DPP6: variants seen among roughly 807,000 people sequenced by gnomAD.
DPP6 encodes the protein A-type potassium channel modulatory protein DPP6.
In DPP6, 69 loss-of-function variants were observed where a neutral mutation model predicts 122.6. That is an observed-to-expected ratio of 0.56 (90% confidence interval 0.46 to 0.69). DPP6 has a LOEUF of 0.69. Ranked by LOEUF, DPP6 falls within the 30% of genes least tolerant of loss-of-function variation. The probability of loss-of-function intolerance (pLI) is 0.00; values close to 1 mark genes in which losing one functional copy is unlikely to be tolerated. For synonymous variants in DPP6, 418 were observed against 433.1 expected (o/e 0.97, Z 0.43); for missense variants, 928 against 1,116.9 (o/e 0.83, Z 2.41).
intron 21 of DPP6, chr7:154,883,823 A>G (rs1462588181): frequency 2.7e-5 from 4 of 148,060 alleles, no homozygotes; most frequent in South Asian, 4.4e-4. Context: ...TCACACAATT[A>G]CATACACCTG....
intron 1 of DPP6, among the ~76,000 whole-genome samples, chr7:154,189,960 G>A (rs568720992): frequency 4.6e-5 from 7 of 152,260 alleles, no homozygotes; most frequent in Middle Eastern, 3.4e-3. Flanking sequence ...CTTAAATACC[G>A]TCCTTTTAGA....
At chr7:154,596,337 C>A (rs1478886003) in intron 5 of DPP6, among the ~76,000 whole-genome samples, 1 of 152,146 alleles carries the variant, frequency 6.6e-6, no homozygotes, top group Non-Finnish European at 1.5e-5. Context: ...TTTGGGGGCT[C>A]TGAGGGATGG....
intron 8 of DPP6, among the ~76,000 whole-genome samples, chr7:154,734,578 T>C (rs1471039975): frequency 6.6e-6 from 1 of 152,226 alleles, no homozygotes; most frequent in East Asian, 1.9e-4. Flanking sequence ...AAACCATAGA[T>C]CTGTAGTTAT....
intron 1 of DPP6, among the ~76,000 whole-genome samples, chr7:154,365,232 G>A (rs546479460): frequency 4.3e-4 from 66 of 152,314 alleles, no homozygotes; most frequent in African/African-American, 1.5e-3. Flanking sequence ...ATACTTCTCT[G>A]GATTTTGCCA....
intron 1 of DPP6, among the ~76,000 whole-genome samples, chr7:154,270,772 G>C (rs1803733048): frequency 6.6e-6 from 1 of 152,246 alleles, no homozygotes; most frequent in Middle Eastern, 3.4e-3. Flanking sequence ...GAGTACAAGT[G>C]CCTGGTCTCT....
chr7:154,275,461 C>G (rs1804065920), intron 1 of DPP6, among the ~76,000 whole-genome samples: 1 of 152,176 alleles, frequency 6.6e-6, no homozygotes, highest in Non-Finnish European at 1.5e-5. Flanking sequence ...GACACCAGGT[C>G]TCGGGGCCTC....
chr7:154,275,911 C>G (rs530187228), intron 1 of DPP6, among the ~76,000 whole-genome samples: 2 of 152,238 alleles, frequency 1.3e-5, no homozygotes, highest in East Asian at 1.9e-4. Context: ...CCCTCCGGCT[C>G]CAAATCAAAT....
chr7:154,114,078 T>C (rs1806803689), intron 1 of DPP6, among the ~76,000 whole-genome samples: 1 of 151,730 alleles, frequency 6.6e-6, no homozygotes, highest in African/African-American at 2.4e-5. Context: ...ACCCAAACTT[T>C]CTTATCTTCA....
At chr7:154,221,966 T>C (rs1219292444) in intron 1 of DPP6, among the ~76,000 whole-genome samples, 1 of 151,900 alleles carries the variant, frequency 6.6e-6, no homozygotes, top group Non-Finnish European at 1.5e-5. Flanking sequence ...AAAAAAAAAA[T>C]GAAGACTCCT....
At chr7:154,168,880 CT>C (rs1265559601) in intron 1 of DPP6, among the ~76,000 whole-genome samples, 1 of 152,198 alleles carries the variant, frequency 6.6e-6, no homozygotes, top group Non-Finnish European at 1.5e-5. Flanking sequence ...GTATTATCGT[CT>C]CCATTTTTAG....
Position 154,481,346 on chromosome 7 carries a change from G to GGTGT in DPP6, c.457+6334_457+6337dup, listed in dbSNP as rs1554564239. ...ATACACTTGGAGAGAGAGAGAGAGG[G>GGTGT]GTGTGTGTGTGTGTGTGTGTGTGTG... On this transcript the variant is annotated intron_variant, in intron 3 of 25. Coordinates refer to ENST00000377770, the MANE Select transcript of DPP6 (RefSeq NM_130797.4). This position sits in a 1 kb window ranked among gnomAD's most constrained non-coding sequence, Gnocchi z 4.2. Among the ~76,000 whole-genome samples, 1 of 147,952 alleles carries GGTGT rather than the reference G, an allele frequency of 6.8e-6. No homozygotes were observed. Among genetic ancestry groups the GGTGT allele is most frequent in the Non-Finnish European group, 1.5e-5 (1 of 67,164 alleles).
intron 1 of DPP6, among the ~76,000 whole-genome samples, chr7:154,166,163 C>CT (rs1797236283): frequency 6.6e-6 from 1 of 152,114 alleles, no homozygotes; most frequent in Admixed American, 6.5e-5. Context: ...CAGGTTGACA[C>CT]TTTCTTTCAT....
intron 18 of DPP6, among the ~76,000 whole-genome samples, chr7:154,871,468 TTTTC>T (rs1804393549): frequency 6.6e-6 from 1 of 152,222 alleles, no homozygotes; most frequent in African/African-American, 2.4e-5. Flanking sequence ...AGGCTAATGC[TTTTC>T]TTTATTTTAT....
intron 1 of DPP6, among the ~76,000 whole-genome samples, chr7:154,063,688 G>C (rs1283787913): frequency 6.9e-6 from 1 of 144,750 alleles, no homozygotes; most frequent in Non-Finnish European, 1.5e-5. Flanking sequence ...AGCGGGGGGA[G>C]GCACCTCCCG....
chr7:154,779,038 C>A (rs1587114252), intron 10 of DPP6, among the ~76,000 whole-genome samples: 1 of 150,424 alleles, frequency 6.6e-6, no homozygotes, highest in Non-Finnish European at 1.5e-5. Context: ...CCACCACCAC[C>A]ACCACAACTA....
chr7:154,273,971 G>A (rs1803966923), intron 1 of DPP6, among the ~76,000 whole-genome samples: 1 of 152,160 alleles, frequency 6.6e-6, no homozygotes. Flanking sequence ...TGCCTGGACT[G>A]CACCTGCCAC....
the DPP6 span, among the ~76,000 whole-genome samples, chr7:153,869,027 T>C: frequency 2.0e-5 from 3 of 152,182 alleles, no homozygotes; most frequent in East Asian, 1.9e-4. Flanking sequence ...CAGTTTGTTA[T>C]AATTTCTGTT....
intron 1 of DPP6, among the ~76,000 whole-genome samples, chr7:154,155,779 C>G (rs953510564): frequency 6.6e-6 from 1 of 152,232 alleles, no homozygotes; most frequent in Non-Finnish European, 1.5e-5. Context: ...CCTTGCCCCA[C>G]TGTTGCTGGG....
rs773988611 is a variant in DPP6, at chr7:154,885,787, C to T, written c.2245+43C>T. 3.2e-5 allele frequency: 50 copies of T among 1,551,154 alleles called. 1 individual carries two copies. The South Asian group carries it at 5.7e-4, about 18-fold the overall frequency. ...ACCAAGCGACGGGCTCTGCTCCCGC[C>T]CCGCCCCGCCCCCTGCCTGCGTGGC... On this transcript the variant is annotated intron_variant, in intron 22 of 25. Transcript: ENST00000377770.
Sources: allele counts gnomAD v4.1 joint callset (sites outside exome capture counted in the v4.1 genomes callset), GRCh38; gene constraint gnomAD v4.1.1; non-coding constraint Gnocchi (gnomAD v3.1); transcripts MANE v1.5; gene names NCBI Gene and HGNC (gene_info 2026-07-23, HGNC 2026-07-21).